FBXO34: variants seen among roughly 807,000 people sequenced by gnomAD.
FBXO34 encodes F-box only protein 34.
A neutral mutation model predicts 24.5 loss-of-function variants in FBXO34; 12 were observed. The observed-to-expected ratio is 0.49, with a 90% CI of 0.31 to 0.79. The LOEUF is 0.79. Ranked by LOEUF, FBXO34 falls within the 30% of genes least tolerant of loss-of-function variation. The pLI is 0.04. For missense variants in FBXO34, 823 were observed against 857.7 expected (o/e 0.96, Z 0.51); for synonymous variants, 320 against 311.9 (o/e 1.03, Z -0.27).
At chr14:55,296,135 C>T (rs757935351) in intron 1 of FBXO34, among the ~76,000 whole-genome samples, 4 of 152,192 alleles carry the variant, frequency 2.6e-5, no homozygotes, top group Non-Finnish European at 5.9e-5. Context: ...TTAACCAATG[C>T]TAATTTAAAT....
chr14:55,289,921 C>T (rs1299389072), intron 1 of FBXO34, among the ~76,000 whole-genome samples: 1 of 151,726 alleles, frequency 6.6e-6, no homozygotes, highest in Non-Finnish European at 1.5e-5. Context: ...TTTCACCTAA[C>T]AGTAGTTTTT....
chr14:55,369,869 G>A, downstream of FBXO34: 1 of 1,614,054 alleles, frequency 6.2e-7, no homozygotes, highest in Non-Finnish European at 8.5e-7. Flanking sequence ...AGCAACTCCG[G>A]GATCCACAAA....
intron 1 of FBXO34, among the ~76,000 whole-genome samples, chr14:55,314,699 GAA>G (rs372788634): frequency 6.6e-6 from 1 of 151,904 alleles, no homozygotes; most frequent in Non-Finnish European, 1.5e-5. Flanking sequence ...ACAAATGAAA[GAA>G]AAAAACCTTG....
the FBXO34 span, chr14:55,380,712 C>G: frequency 5.9e-6 from 9 of 1,513,702 alleles, 1 homozygote; most frequent in Admixed American, 1.1e-4. Flanking sequence ...AAACAACCAC[C>G]ATGTACAAAA....
downstream of FBXO34, among the ~76,000 whole-genome samples, chr14:55,373,662 T>C (rs1286555328): frequency 6.6e-6 from 1 of 152,114 alleles, no homozygotes; most frequent in East Asian, 1.9e-4. Flanking sequence ...GTTTCCCATG[T>C]TGGCCGGGCT....
the FBXO34 span, among the ~76,000 whole-genome samples, chr14:55,396,306 G>A: frequency 6.6e-6 from 1 of 152,166 alleles, no homozygotes; most frequent in Non-Finnish European, 1.5e-5. Context: ...GAGAATTAAT[G>A]ATCTAATAGT....
chr14:55,300,261 A>G lies in FBXO34; in HGVS notation c.-11+28724A>G, dbSNP rs529495610. Among the ~76,000 whole-genome samples the G allele has an allele frequency of 3.9e-5, 6 of 152,188 alleles. No homozygotes were observed. In the South Asian group the frequency reaches 1.2e-3, roughly 32 times the overall value. On this transcript the variant is annotated intron_variant, in intron 1 of 1. Transcript: ENST00000313833. ...ATTTTTAGGCTTTAGTCTATAGTCCATTTTACTACCTCTCTTTGGTAATGT... is the reference window on the plus strand; with the variant it reads ...ATTTTTAGGCTTTAGTCTATAGTCCGTTTTACTACCTCTCTTTGGTAATGT...
the FBXO34 span, among the ~76,000 whole-genome samples, chr14:55,432,977 G>A: frequency 6.6e-6 from 1 of 152,090 alleles, no homozygotes; most frequent in Non-Finnish European, 1.5e-5. Flanking sequence ...CTGCAATGAG[G>A]AAAATCCACA....
At chr14:55,360,359 C>T (rs113401919) in intron 3 of FBXO34, among the ~76,000 whole-genome samples, 118 of 152,286 alleles carry the variant, frequency 7.7e-4, no homozygotes, top group African/African-American at 2.6e-3. Flanking sequence ...AGGCATGAGC[C>T]ACCACGCCCA....
intron 3 of FBXO34, among the ~76,000 whole-genome samples, chr14:55,361,226 T>C (rs1594771526): frequency 6.6e-6 from 1 of 152,246 alleles, no homozygotes; most frequent in Non-Finnish European, 1.5e-5. Flanking sequence ...GATGTTGTTA[T>C]CGTGCATGAA....
At chr14:55,401,637 T>C in the FBXO34 span, among the ~76,000 whole-genome samples, 6 of 152,250 alleles carry the variant, frequency 3.9e-5, no homozygotes, top group Admixed American at 3.9e-4. Context: ...TCCATACTTT[T>C]ATGACTTATG....
the FBXO34 span, among the ~76,000 whole-genome samples, chr14:55,422,177 T>C: frequency 2.0e-5 from 3 of 152,304 alleles, no homozygotes; most frequent in East Asian, 1.9e-4. Context: ...TGAGAAGATA[T>C]GTAGCGTTAA....
chr14:55,313,210 A>G (rs1039085048), intron 1 of FBXO34, among the ~76,000 whole-genome samples: 2 of 152,136 alleles, frequency 1.3e-5, no homozygotes, highest in East Asian at 3.8e-4. Flanking sequence ...TCTCTAAGGT[A>G]GGGGCAAAAT....
At chr14:55,426,322 G>A in the FBXO34 span, among the ~76,000 whole-genome samples, 1 of 151,930 alleles carries the variant, frequency 6.6e-6, no homozygotes, top group South Asian at 2.1e-4. Context: ...ATTGACAACT[G>A]TGGAAATGAT....
At chr14:55,301,032 TA>T (rs1166747221) in intron 1 of FBXO34, among the ~76,000 whole-genome samples, 2 of 152,220 alleles carry the variant, frequency 1.3e-5, no homozygotes, top group East Asian at 3.8e-4. Flanking sequence ...GGAGAATTTG[TA>T]AGGTGAAATG....
chr14:55,412,401 A>T, the FBXO34 span, among the ~76,000 whole-genome samples: 2 of 152,336 alleles, frequency 1.3e-5, no homozygotes, highest in African/African-American at 4.8e-5. Flanking sequence ...ATTATACTTT[A>T]CCAATAGTGA....
chr14:55,319,993 G>T (rs1296171526), intron 1 of FBXO34, among the ~76,000 whole-genome samples: 2 of 151,958 alleles, frequency 1.3e-5, no homozygotes, highest in African/African-American at 4.8e-5. Context: ...AACTTTCATA[G>T]GAAACTCCTT....
At chr14:55,428,049 C>A in the FBXO34 span, among the ~76,000 whole-genome samples, 2 of 148,954 alleles carry the variant, frequency 1.3e-5, no homozygotes, top group African/African-American at 4.9e-5. Context: ...TCATCTTCTC[C>A]CCAATCCATT....
chr14:55,359,953 G>A (rs1339290382), intron 3 of FBXO34, among the ~76,000 whole-genome samples: 1 of 150,514 alleles, frequency 6.6e-6, no homozygotes, highest in Admixed American at 6.6e-5. Flanking sequence ...GGTAGTGTAT[G>A]CCAATAGTCC....
Sources: allele counts gnomAD v4.1 joint callset (sites outside exome capture counted in the v4.1 genomes callset), GRCh38; gene constraint gnomAD v4.1.1; transcripts MANE v1.5; gene names NCBI Gene and HGNC (gene_info 2026-07-23, HGNC 2026-07-21).